MTAP: variants seen among roughly 807,000 people sequenced by gnomAD.
MTAP encodes the protein methylthioadenosine phosphorylase.
A neutral mutation model predicts 33.6 loss-of-function variants in MTAP; 33 were observed. The ratio of observed to expected loss-of-function variants is 0.98; its 90% CI spans 0.74 to 1.31. The LOEUF (loss-of-function observed/expected upper bound fraction) is 1.31. Among genes scored for constraint, MTAP ranks in the 40% most tolerant of loss-of-function variants. The pLI is 0.00. For missense variants in MTAP, 367 were observed against 360.0 expected (o/e 1.02, Z -0.16); for synonymous variants, 148 against 125.7 (o/e 1.18, Z -1.19).
chr9:21,804,693 C>T (rs1434490278), intron 1 of MTAP, among the ~76,000 whole-genome samples: 2 of 148,254 alleles, frequency 1.3e-5, no homozygotes, highest in East Asian at 2.1e-4. Context: ...ATAAAAACCA[C>T]ATCCTATTCC....
intron 1 of MTAP, among the ~76,000 whole-genome samples, chr9:21,903,909 T>C (rs373701700): frequency 1.4e-3 from 217 of 152,306 alleles, no homozygotes; most frequent in Non-Finnish European, 2.6e-3. Flanking sequence ...GTAGACCCCC[T>C]TTCTTATCAC....
intron 5 of MTAP, among the ~76,000 whole-genome samples, chr9:21,839,946 G>A (rs958169014): frequency 1.3e-5 from 2 of 152,200 alleles, no homozygotes; most frequent in African/African-American, 4.8e-5. Flanking sequence ...AGACAGGGCT[G>A]GCCACCACGG....
At chr9:21,854,495 G>C (rs1301922862) in intron 5 of MTAP, 136 bp from the exon 6 acceptor site, 2 of 1,217,674 alleles carry the variant, frequency 1.6e-6, no homozygotes, top group African/African-American at 1.5e-5. Context: ...TTTTCTGAGA[G>C]CCTGGCAGAT....
At chr9:21,858,540 G>A (rs1248015905) in intron 6 of MTAP, among the ~76,000 whole-genome samples, 1 of 152,134 alleles carries the variant, frequency 6.6e-6, no homozygotes, top group Non-Finnish European at 1.5e-5. Flanking sequence ...AGTGAGAGGA[G>A]AGGTGCTGTA....
intron 7 of MTAP, chr9:21,861,657 G>T (rs953388351): frequency 6.2e-6 from 2 of 322,164 alleles, no homozygotes; most frequent in African/African-American, 2.2e-5. Context: ...GTGGGGTAAG[G>T]ATAAGGGATA....
In MTAP at chr9:21,859,426, G is replaced by A; in HGVS notation, c.813+1G>A. 6.2e-7 allele frequency: 1 copy of A among 1,608,194 alleles called. No individual in the cohort carries two copies. Among genetic ancestry groups the A allele is most frequent in the Non-Finnish European group, 8.5e-7 (1 of 1,178,128 alleles). On this transcript the variant is annotated splice_donor_variant, in intron 7 of 7. Coordinates refer to ENST00000644715, the MANE Select transcript of MTAP (RefSeq NM_002451.4). LOFTEE classifies it high-confidence loss of function. Reference sequence around the variant, plus strand: ...GTCAGAAACCCTCCATAACCTGAAGGTAAGTGTCAGCCATGGACAATCAGG... The same window carrying A: ...GTCAGAAACCCTCCATAACCTGAAGATAAGTGTCAGCCATGGACAATCAGG...
At chr9:21,802,905 G>C in intron 1 of MTAP, 124 bp downstream of exon 1, 1 of 1,457,738 alleles carries the variant, frequency 6.9e-7, no homozygotes, top group East Asian at 2.6e-5. Flanking sequence ...CCGCGGGGAG[G>C]GACTGGGGCG....
At chr9:21,818,600 C>T (rs928920322) in intron 4 of MTAP, among the ~76,000 whole-genome samples, 2 of 152,158 alleles carry the variant, frequency 1.3e-5, no homozygotes, top group African/African-American at 4.8e-5. Context: ...GCTGGGATTA[C>T]AGGCGTGAGC....
chr9:21,859,174 G>A (rs773959280), intron 6 of MTAP, 129 bp from the exon 7 acceptor site: 119 of 1,355,256 alleles, frequency 8.8e-5, no homozygotes, highest in East Asian at 4.8e-4. Flanking sequence ...TTGAGGATTC[G>A]GTTTCAGCAG....
intron 1 of MTAP, among the ~76,000 whole-genome samples, chr9:21,888,499 C>G (rs1175293095): frequency 6.6e-6 from 1 of 152,064 alleles, no homozygotes; most frequent in Non-Finnish European, 1.5e-5. Flanking sequence ...ATTGGAACCT[C>G]CAGTGTTAGG....
chr9:21,846,708 G>C (rs1270708293), intron 5 of MTAP, among the ~76,000 whole-genome samples: 1 of 152,154 alleles, frequency 6.6e-6, no homozygotes, highest in African/African-American at 2.4e-5. Flanking sequence ...ACTACCATGT[G>C]ATCCAGCAAT....
Position 21,864,717 on chromosome 9 carries a change from T to C in MTAP, c.*2703T>C. On this transcript the variant is annotated 3_prime_UTR_variant, in exon 8 of 8. Transcript: ENST00000644715. ...AGGAAACTCTGGTACGGTGGCACCC[T>C]CAGGAGTGGAGGACAGTGAACTTCC... 5 of 985,390 alleles carry C rather than the reference T, an allele frequency of 5.1e-6. No homozygotes were observed. The highest frequency in any genetic ancestry group is 6.0e-6 in the Non-Finnish European group (5 of 829,966). 61.0% of individuals were successfully genotyped at this position (985,390 alleles called of 1,614,324 possible).
chr9:21,856,404 G>T (rs1201871304), intron 6 of MTAP, among the ~76,000 whole-genome samples: 1 of 152,146 alleles, frequency 6.6e-6, no homozygotes, highest in Non-Finnish European at 1.5e-5. Context: ...TGCCTTTTAT[G>T]TAAGAGATTC....
intron 1 of MTAP, among the ~76,000 whole-genome samples, chr9:21,909,499 G>A (rs1818533340): frequency 1.3e-5 from 2 of 152,124 alleles, no homozygotes; most frequent in Admixed American, 1.3e-4. Flanking sequence ...CATGCATTAA[G>A]CTATTCAAAA....
chr9:21,920,316 A>G (rs1818767775), intron 1 of MTAP, among the ~76,000 whole-genome samples: 2 of 152,210 alleles, frequency 1.3e-5, no homozygotes, highest in Admixed American at 1.3e-4. Context: ...TAAGATAAGC[A>G]GGAGGGAGAG....
intron 4 of MTAP, among the ~76,000 whole-genome samples, chr9:21,822,124 T>C (rs1824658289): frequency 6.6e-6 from 1 of 152,130 alleles, no homozygotes; most frequent in Non-Finnish European, 1.5e-5. Context: ...TGTGTCTCTA[T>C]CTCCTTCAGT....
intron 1 of MTAP, among the ~76,000 whole-genome samples, chr9:21,914,895 GA>G (rs1220482276): frequency 1.3e-5 from 2 of 151,454 alleles, no homozygotes; most frequent in Non-Finnish European, 2.9e-5. Flanking sequence ...CATTTTATAT[GA>G]AAAGAGTCAT....
At chr9:21,878,682 A>T (rs543778051) in intron 1 of MTAP, among the ~76,000 whole-genome samples, 2 of 152,076 alleles carry the variant, frequency 1.3e-5, no homozygotes, top group Non-Finnish European at 2.9e-5. Flanking sequence ...TAAATTTTTA[A>T]TGTGGGTGTT....
chr9:21,895,375 T>C (rs1223113946), intron 1 of MTAP, among the ~76,000 whole-genome samples: 2 of 152,194 alleles, frequency 1.3e-5, no homozygotes, highest in African/African-American at 4.8e-5. Context: ...GATGGCTGAA[T>C]AGGAACAGCT....
Sources: gnomAD v4.1 joint callset for allele counts (sites outside exome capture counted in the v4.1 genomes callset) on GRCh38, gnomAD v4.1.1 for gene constraint, MANE v1.5 for transcripts, NCBI Gene and HGNC (gene_info 2026-07-23, HGNC 2026-07-21) for gene names.